ANKS1B: variants seen among roughly 807,000 people sequenced by gnomAD.
ANKS1B encodes the protein ankyrin repeat and sterile alpha motif domain-containing protein 1B.
A neutral mutation model predicts 148.3 loss-of-function variants in ANKS1B; 36 were observed. That is an observed-to-expected ratio of 0.24 (90% CI 0.19 to 0.32). The LOEUF (loss-of-function observed/expected upper bound fraction) is 0.32, where lower values mean the gene tolerates loss of function less well. Ranked by LOEUF, ANKS1B falls within the 10% of genes least tolerant of loss-of-function variation. ANKS1B has a pLI of 1.00. For missense variants in ANKS1B, 1,157 were observed against 1,542.6 expected, an observed-to-expected ratio of 0.75 and a Z score of 4.19; for synonymous variants, 542 against 560.8, an observed-to-expected ratio of 0.97 and a Z score of 0.47.
At chr12:99,155,535 G>T (rs1335785781) in intron 14 of ANKS1B, among the ~76,000 whole-genome samples, 1 of 151,928 alleles carries the variant, frequency 6.6e-6, no homozygotes, top group Non-Finnish European at 1.5e-5. Context: ...ACATTAACTG[G>T]ATAGATTTTT....
chr12:99,153,976 T>C (rs2075603672), intron 15 of ANKS1B, among the ~76,000 whole-genome samples: 1 of 152,170 alleles, frequency 6.6e-6, no homozygotes. Context: ...AGATTACAAA[T>C]TTATTTAAAA....
intron 17 of ANKS1B, among the ~76,000 whole-genome samples, chr12:98,855,619 C>T (rs1272809827): frequency 6.6e-6 from 1 of 152,152 alleles, no homozygotes; most frequent in African/African-American, 2.4e-5. Context: ...ATAAAATAAA[C>T]TGTTTTTCAT....
At chr12:99,400,255 TTAAA>T (rs2094367483) in intron 11 of ANKS1B, among the ~76,000 whole-genome samples, 1 of 114,832 alleles carries the variant, frequency 8.7e-6, no homozygotes. Flanking sequence ...TTTTTATTCT[TTAAA>T]TAGTCCAAGG....
At chr12:99,660,046 G>A (rs2098468700) in intron 8 of ANKS1B, among the ~76,000 whole-genome samples, 2 of 152,234 alleles carry the variant, frequency 1.3e-5, no homozygotes, top group African/African-American at 4.8e-5. Context: ...AATCTGGAAT[G>A]AGTTAGCAAT....
chr12:99,504,075 G>C (rs1198892635), intron 10 of ANKS1B, among the ~76,000 whole-genome samples: 1 of 152,102 alleles, frequency 6.6e-6, no homozygotes, highest in Non-Finnish European at 1.5e-5. Flanking sequence ...TGCCATAAAA[G>C]ACATGAAATA....
chr12:98,910,154 A>G (rs1027890603), intron 17 of ANKS1B, among the ~76,000 whole-genome samples: 4 of 152,246 alleles, frequency 2.6e-5, no homozygotes, highest in African/African-American at 9.6e-5. Context: ...AAAGGAGGGA[A>G]GCTAAAAGGA....
At chr12:98,823,264 C>A (rs994841548) in intron 19 of ANKS1B, among the ~76,000 whole-genome samples, 1 of 152,162 alleles carries the variant, frequency 6.6e-6, no homozygotes, top group African/African-American at 2.4e-5. Context: ...TGAGTGCACT[C>A]TTGACCTTCT....
chr12:99,026,202 T>G (rs2099948646), intron 17 of ANKS1B, among the ~76,000 whole-genome samples: 2 of 152,212 alleles, frequency 1.3e-5, no homozygotes, highest in Non-Finnish European at 1.5e-5. Flanking sequence ...TTTTGGAGCT[T>G]TCTAGACCAA....
intron 10 of ANKS1B, among the ~76,000 whole-genome samples, chr12:99,490,120 T>C (rs182784164): frequency 1.3e-5 from 2 of 152,374 alleles, no homozygotes; most frequent in African/African-American, 4.8e-5. Flanking sequence ...TATGTCTTTG[T>C]TGTCTTTGTG....
chr12:99,267,275 A>G (rs1006233905), intron 12 of ANKS1B, among the ~76,000 whole-genome samples: 1 of 152,182 alleles, frequency 6.6e-6, no homozygotes, highest in Non-Finnish European at 1.5e-5. Context: ...CAGAGTCATG[A>G]TCAAAGGAAT....
At chr12:99,674,647 T>A (rs1421178616) in intron 8 of ANKS1B, among the ~76,000 whole-genome samples, 1 of 151,744 alleles carries the variant, frequency 6.6e-6, no homozygotes, top group Non-Finnish European at 1.5e-5. Flanking sequence ...TGATGGGAAA[T>A]GAGTTTATGT....
chr12:98,854,106 T>C (rs931250904), intron 17 of ANKS1B, among the ~76,000 whole-genome samples: 2 of 152,206 alleles, frequency 1.3e-5, no homozygotes, highest in Non-Finnish European at 2.9e-5. Context: ...CAAGTATCAC[T>C]ATTCCTCAAC....
intron 9 of ANKS1B, among the ~76,000 whole-genome samples, chr12:99,543,585 A>G (rs1452858087): frequency 6.6e-6 from 1 of 152,132 alleles, no homozygotes; most frequent in Non-Finnish European, 1.5e-5. Context: ...ATGCCTACCA[A>G]TTGATGAATG....
At chr12:99,103,600 T>A (rs1387314697) in intron 15 of ANKS1B, among the ~76,000 whole-genome samples, 1 of 152,224 alleles carries the variant, frequency 6.6e-6, no homozygotes, top group African/African-American at 2.4e-5. Flanking sequence ...AGGAAGGGAT[T>A]CAATCAACCT....
At chr12:99,002,105 G>A (rs1413333208) in intron 17 of ANKS1B, among the ~76,000 whole-genome samples, 1 of 152,164 alleles carries the variant, frequency 6.6e-6, no homozygotes, top group Non-Finnish European at 1.5e-5. Context: ...ATGCTGCAAT[G>A]ACCATGGGGA....
chr12:99,322,478 A>G (rs1447778957), intron 12 of ANKS1B, among the ~76,000 whole-genome samples: 1 of 135,234 alleles, frequency 7.4e-6, no homozygotes, highest in African/African-American at 2.9e-5. Context: ...AACTTAAAGT[A>G]AAAAAAAAAA....
intron 17 of ANKS1B, among the ~76,000 whole-genome samples, chr12:98,880,836 C>T (rs969192948): frequency 1.3e-5 from 2 of 151,828 alleles, no homozygotes; most frequent in Non-Finnish European, 2.9e-5. Context: ...TGGGTAGGTT[C>T]CTAAAAAGCT....
chr12:98,781,339 CACAT>C, intron 23 of ANKS1B, 136 bp from the exon 24 acceptor site: 1 of 684,880 alleles, frequency 1.5e-6, no homozygotes, highest in Non-Finnish European at 2.7e-6. Context: ...CACACACACA[CACAT>C]CAGATACACA....
chr12:99,912,552 G>A (rs1040857098), intron 1 of ANKS1B, among the ~76,000 whole-genome samples: 3 of 151,844 alleles, frequency 2.0e-5, no homozygotes, highest in Non-Finnish European at 2.9e-5. Context: ...GGGTTTCACC[G>A]TGTTGGCCAG....
Sources: gnomAD v4.1 joint callset for allele counts (sites outside exome capture counted in the v4.1 genomes callset) on GRCh38, gnomAD v4.1.1 for gene constraint, MANE v1.5 for transcripts, NCBI Gene and HGNC (gene_info 2026-07-23, HGNC 2026-07-21) for gene names.